The following ADGRL3 variants were observed in gnomAD, a reference collection of about 807,000 sequenced individuals.
The protein encoded by ADGRL3 is adhesion G protein-coupled receptor L3.
A neutral mutation model predicts 153.5 loss-of-function variants in ADGRL3; 62 were observed. The observed-to-expected ratio is 0.40, with a 90% CI of 0.33 to 0.50. The LOEUF is 0.50. Ranked by LOEUF, ADGRL3 falls within the 20% of genes least tolerant of loss-of-function variation. The probability of loss-of-function intolerance (pLI) is 0.47; values close to 1 mark genes in which losing one functional copy is unlikely to be tolerated. For missense variants in ADGRL3, 1,641 were observed against 1,859.4 expected, an observed-to-expected ratio of 0.88 and a Z score of 2.16; for synonymous variants, 710 against 672.5, an observed-to-expected ratio of 1.06 and a Z score of -0.86.
At chr4:61,796,725 A>G (rs2097419022) in intron 8 of ADGRL3, among the ~76,000 whole-genome samples, 1 of 152,056 alleles carries the variant, frequency 6.6e-6, no homozygotes. Flanking sequence ...CTGTCGTTAT[A>G]ATTTTTATTA....
At chr4:61,688,265 T>C (rs1268553191) in intron 6 of ADGRL3, among the ~76,000 whole-genome samples, 1 of 152,154 alleles carries the variant, frequency 6.6e-6, no homozygotes, top group Non-Finnish European at 1.5e-5. Context: ...AATCTAATTA[T>C]AATTTACATC....
intron 1 of ADGRL3, chr4:61,212,182 A>G (rs1183130871): frequency 2.0e-5 from 3 of 152,218 alleles, no homozygotes; most frequent in African/African-American, 7.2e-5. Flanking sequence ...CTGAAGAAAA[A>G]AAACTTATGG....
At chr4:61,430,777 T>C (rs1027977368) in intron 2 of ADGRL3, among the ~76,000 whole-genome samples, 1 of 152,154 alleles carries the variant, frequency 6.6e-6, no homozygotes, top group Admixed American at 6.5e-5. Flanking sequence ...CACCACTAAA[T>C]GACTATGTAG....
At chr4:61,615,885 G>A (rs532965988) in intron 5 of ADGRL3, among the ~76,000 whole-genome samples, 1 of 152,160 alleles carries the variant, frequency 6.6e-6, no homozygotes. Flanking sequence ...ATCAAAGGCA[G>A]GGTTCTTTTC....
At chr4:61,662,122 C>T (rs535111751) in intron 5 of ADGRL3, among the ~76,000 whole-genome samples, 15 of 152,302 alleles carry the variant, frequency 9.8e-5, no homozygotes, top group African/African-American at 2.6e-4. Context: ...CGGGAACAGA[C>T]GGAAGTCCCA....
At chr4:61,581,869 A>G (rs972209442) in intron 4 of ADGRL3, among the ~76,000 whole-genome samples, 1 of 152,068 alleles carries the variant, frequency 6.6e-6, no homozygotes, top group South Asian at 2.1e-4. Flanking sequence ...CGTTGTTCAA[A>G]TACATTCTTT....
chr4:61,559,549 G>A (rs754863442), intron 4 of ADGRL3, among the ~76,000 whole-genome samples: 3 of 152,076 alleles, frequency 2.0e-5, no homozygotes, highest in Admixed American at 1.3e-4. Flanking sequence ...TAGTCAGTGC[G>A]TCTGACACAT....
chr4:62,015,327 C>T (rs1054583480), intron 21 of ADGRL3, among the ~76,000 whole-genome samples: 4 of 152,144 alleles, frequency 2.6e-5, no homozygotes, highest in Non-Finnish European at 4.4e-5. Flanking sequence ...TATTTTAAAC[C>T]AGATACTTCA....
intron 8 of ADGRL3, among the ~76,000 whole-genome samples, chr4:61,777,418 A>G (rs2152349488): frequency 6.6e-6 from 1 of 152,248 alleles, no homozygotes; most frequent in South Asian, 2.1e-4. Context: ...ACATGCTTTT[A>G]CTACATGTGA....
intron 21 of ADGRL3, among the ~76,000 whole-genome samples, chr4:62,010,050 C>T (rs997552183): frequency 6.6e-6 from 1 of 151,984 alleles, no homozygotes; most frequent in African/African-American, 2.4e-5. Context: ...AGGAAGCCAC[C>T]CTCCCACACA....
chr4:61,588,401 A>C (rs2098955560), intron 5 of ADGRL3, among the ~76,000 whole-genome samples: 1 of 151,920 alleles, frequency 6.6e-6, no homozygotes, highest in Non-Finnish European at 1.5e-5. Context: ...CATATTCAAA[A>C]TTTTGATAAG....
chr4:61,916,757 A>G (rs1475112523), intron 13 of ADGRL3, among the ~76,000 whole-genome samples: 1 of 152,210 alleles, frequency 6.6e-6, no homozygotes, highest in Non-Finnish European at 1.5e-5. Flanking sequence ...GTTTGAGACC[A>G]GCCTGGCCAA....
chr4:61,370,692 A>G (rs2096504393), intron 1 of ADGRL3, among the ~76,000 whole-genome samples: 1 of 151,830 alleles, frequency 6.6e-6, no homozygotes. Flanking sequence ...GGTGCTGAAA[A>G]AAATGTATAT....
chr4:61,841,014 G>A (rs1188777456), intron 9 of ADGRL3, among the ~76,000 whole-genome samples: 1 of 124,760 alleles, frequency 8.0e-6, no homozygotes, highest in Non-Finnish European at 1.5e-5. Context: ...ATAACTAGAT[G>A]CTAGGTGTAC....
At chr4:61,903,941 T>C (rs2098680744) in intron 11 of ADGRL3, among the ~76,000 whole-genome samples, 1 of 151,560 alleles carries the variant, frequency 6.6e-6, no homozygotes, top group Admixed American at 6.6e-5. Flanking sequence ...TTTTTTTTTC[T>C]TTAATTTTGT....
intron 5 of ADGRL3, among the ~76,000 whole-genome samples, chr4:61,641,352 T>G (rs2093659442): frequency 1.3e-5 from 2 of 151,984 alleles, no homozygotes; most frequent in East Asian, 3.9e-4. Context: ...TAGTTACATA[T>G]GTATACATGT....
At chr4:61,960,962 C>A (rs1434102103) in intron 17 of ADGRL3, among the ~76,000 whole-genome samples, 1 of 152,128 alleles carries the variant, frequency 6.6e-6, no homozygotes, top group African/African-American at 2.4e-5. Context: ...CCCGCCTTGG[C>A]CTCCCGAAGT....
At chr4:61,708,183 T>C (rs1381341101) in intron 6 of ADGRL3, among the ~76,000 whole-genome samples, 1 of 152,144 alleles carries the variant, frequency 6.6e-6, no homozygotes, top group African/African-American at 2.4e-5. Context: ...TGTGAATTTA[T>C]ATTGGCTCTG....
chr4:61,584,652 T>C (rs2098939271), intron 4 of ADGRL3, among the ~76,000 whole-genome samples: 2 of 152,010 alleles, frequency 1.3e-5, no homozygotes, highest in Admixed American at 1.3e-4. Flanking sequence ...GGAAGCAGTT[T>C]CAATGTGATT....
Sources: gnomAD v4.1 joint callset for allele counts (sites outside exome capture counted in the v4.1 genomes callset) on GRCh38, gnomAD v4.1.1 for gene constraint, MANE v1.5 for transcripts, NCBI Gene and HGNC (gene_info 2026-07-23, HGNC 2026-07-21) for gene names.